CAMK2D: variants seen among roughly 807,000 people sequenced by gnomAD.
CAMK2D encodes calcium/calmodulin dependent protein kinase II delta, also known as calcium/calmodulin-dependent protein kinase type II subunit delta.
In CAMK2D, 37 loss-of-function variants were observed where a neutral mutation model predicts 84.0. That is an observed-to-expected ratio of 0.44 (90% CI 0.34 to 0.58). The LOEUF (loss-of-function observed/expected upper bound fraction) is 0.58. Ranked by LOEUF, CAMK2D falls within the 20% of genes least tolerant of loss-of-function variation. The probability of loss-of-function intolerance (pLI) is 0.02; values close to 1 mark genes in which losing one functional copy is unlikely to be tolerated. For synonymous variants in CAMK2D, 202 were observed against 212.5 expected (o/e 0.95, Z 0.43); for missense variants, 448 against 652.5 (o/e 0.69, Z 3.41).
At position 113,709,750 on chromosome 4, in the gene CAMK2D, T is replaced by TATAC. The variant is rs1362752775; in HGVS notation, c.161-47979_161-47978insGTAT. 5.5e-3 allele frequency among the ~76,000 whole-genome samples: 489 copies of TATAC among 89,722 alleles called. 31 individuals carry two copies. The highest frequency in any genetic ancestry group is 8.5e-3 in the African/African-American group (169 of 19,838). The allele number at this position is 89,722 out of a possible 152,430, so 58.9% of individuals were successfully genotyped here. A position where few individuals can be genotyped will look rare whatever the true frequency, so the allele number is the denominator to read the frequency against. On this transcript the variant is annotated intron_variant, in intron 2 of 20. Transcript: ENST00000511664. ...GAAAAGCTAAAAGCCGTGAACGATA[T>TATAC]ATATATATATATATATATATATATA...
intron 1 of CAMK2D, among the ~76,000 whole-genome samples, chr4:113,759,925 G>T (rs1253145464): frequency 6.6e-6 from 1 of 152,128 alleles, no homozygotes; most frequent in Non-Finnish European, 1.5e-5. Context: ...GTTTTGGACT[G>T]GGGGAGGGGA....
At chr4:113,465,032 C>CT (rs1468631381) in intron 17 of CAMK2D, among the ~76,000 whole-genome samples, 1 of 152,010 alleles carries the variant, frequency 6.6e-6, no homozygotes, top group Non-Finnish European at 1.5e-5. Flanking sequence ...TCTGTGAAAT[C>CT]TTTTTTCTTT....
chr4:113,714,074 C>G (rs529917016), intron 2 of CAMK2D, among the ~76,000 whole-genome samples: 1 of 152,036 alleles, frequency 6.6e-6, no homozygotes, highest in South Asian at 2.1e-4. Flanking sequence ...TTTTACTTTT[C>G]ATATTTAGTC....
intron 3 of CAMK2D, among the ~76,000 whole-genome samples, chr4:113,660,080 A>G (rs2099222354): frequency 6.6e-6 from 1 of 152,170 alleles, no homozygotes. Flanking sequence ...ACACCTGTAA[A>G]CTTTTCAGTG....
At chr4:113,462,740 A>G (rs2097403513) in intron 17 of CAMK2D, among the ~76,000 whole-genome samples, 1 of 152,210 alleles carries the variant, frequency 6.6e-6, no homozygotes, top group Admixed American at 6.5e-5. Flanking sequence ...TAGAAAGAAT[A>G]TAAAAGAAGC....
chr4:113,574,279 C>T (rs911847648), intron 4 of CAMK2D, among the ~76,000 whole-genome samples: 67 of 152,220 alleles, frequency 4.4e-4, no homozygotes, highest in African/African-American at 1.6e-3. Flanking sequence ...TCCCAATTCA[C>T]CTCTCCTTTC....
At chr4:113,729,160 T>C (rs996701409) in intron 2 of CAMK2D, among the ~76,000 whole-genome samples, 3 of 152,216 alleles carry the variant, frequency 2.0e-5, no homozygotes, top group African/African-American at 7.2e-5. Context: ...GTCTCTTTCC[T>C]GCATTATTTC....
At chr4:113,751,703 G>A (rs535173608) in intron 2 of CAMK2D, among the ~76,000 whole-genome samples, 4 of 152,224 alleles carry the variant, frequency 2.6e-5, no homozygotes, top group African/African-American at 7.2e-5. Flanking sequence ...CTGGGAGGCC[G>A]AGGTTGCAGT....
chr4:113,513,151 C>T, intron 12 of CAMK2D, 177 bp downstream of exon 12: 1 of 984,654 alleles, frequency 1.0e-6, no homozygotes, highest in Non-Finnish European at 1.2e-6. Context: ...CAGACAGCAC[C>T]CAGGTAGACT....
At chr4:113,478,486 T>G (rs1340590614) in intron 16 of CAMK2D, among the ~76,000 whole-genome samples, 1 of 152,196 alleles carries the variant, frequency 6.6e-6, no homozygotes, top group Non-Finnish European at 1.5e-5. Context: ...CTTATAAAGA[T>G]TATGAGTGAA....
At chr4:113,595,463 TG>T (rs2154254748) in intron 4 of CAMK2D, among the ~76,000 whole-genome samples, 1 of 140,656 alleles carries the variant, frequency 7.1e-6, no homozygotes, top group East Asian at 2.9e-4. Context: ...TGTGTGTGTG[TG>T]TGTGTGTGTG....
intron 4 of CAMK2D, among the ~76,000 whole-genome samples, chr4:113,582,334 A>G (rs1217486131): frequency 6.6e-6 from 1 of 152,220 alleles, no homozygotes; most frequent in Non-Finnish European, 1.5e-5. Context: ...AATCTAGGAC[A>G]CACGTTTCTA....
intron 2 of CAMK2D, among the ~76,000 whole-genome samples, chr4:113,701,198 G>A (rs953103783): frequency 2.6e-5 from 4 of 152,116 alleles, no homozygotes; most frequent in Non-Finnish European, 5.9e-5. Flanking sequence ...AGCCTTTTGG[G>A]CAATCTTATA....
At chr4:113,523,725 T>C (rs2098391556) in intron 8 of CAMK2D, among the ~76,000 whole-genome samples, 1 of 152,082 alleles carries the variant, frequency 6.6e-6, no homozygotes, top group Admixed American at 6.6e-5. Flanking sequence ...TGAGCTAAGA[T>C]GGTGCCACTG....
chr4:113,712,983 G>GT (rs2099498945), intron 2 of CAMK2D, among the ~76,000 whole-genome samples: 1 of 151,966 alleles, frequency 6.6e-6, no homozygotes, highest in Non-Finnish European at 1.5e-5. Context: ...GTATTATACT[G>GT]TAAGTGTGCC....
intron 16 of CAMK2D, among the ~76,000 whole-genome samples, chr4:113,491,319 C>T: frequency 1.9e-5 from 2 of 105,264 alleles, no homozygotes; most frequent in African/African-American, 4.0e-5. Flanking sequence ...TACGTCCCAT[C>T]AATACCTAAT....
chr4:113,725,961 T>G (rs973368383), intron 2 of CAMK2D, among the ~76,000 whole-genome samples: 2 of 152,202 alleles, frequency 1.3e-5, no homozygotes, highest in Non-Finnish European at 2.9e-5. Flanking sequence ...GCAAGATGTT[T>G]GAATACTATG....
At chr4:113,459,179 G>A (rs1310479201) in intron 18 of CAMK2D, among the ~76,000 whole-genome samples, 1 of 151,850 alleles carries the variant, frequency 6.6e-6, no homozygotes, top group Admixed American at 6.6e-5. Flanking sequence ...ATTTTGGCAT[G>A]GTGTGGTTTT....
chr4:113,455,210 C>T (rs998518751), intron 20 of CAMK2D, among the ~76,000 whole-genome samples: 1 of 152,130 alleles, frequency 6.6e-6, no homozygotes, highest in Non-Finnish European at 1.5e-5. Flanking sequence ...TCTGGAATTA[C>T]CCATTTTGTG....
Sources: allele counts gnomAD v4.1 joint callset (sites outside exome capture counted in the v4.1 genomes callset), GRCh38; gene constraint gnomAD v4.1.1; transcripts MANE v1.5; gene names NCBI Gene and HGNC (gene_info 2026-07-23, HGNC 2026-07-21).